ZC3H11A: variants seen among roughly 807,000 people sequenced by gnomAD.
ZC3H11A encodes the protein zinc finger CCCH domain-containing protein 11A.
A neutral mutation model predicts 90.8 loss-of-function variants in ZC3H11A; 22 were observed. The observed-to-expected ratio is 0.24, with a 90% CI of 0.17 to 0.35. The LOEUF (loss-of-function observed/expected upper bound fraction) is 0.35, where lower values mean the gene tolerates loss of function less well. Ranked by LOEUF, ZC3H11A falls within the 10% of genes least tolerant of loss-of-function variation. The pLI, the probability that ZC3H11A is intolerant of heterozygous loss-of-function variation, is 1.00. For missense variants in ZC3H11A, 701 were observed against 964.9 expected (o/e 0.73, Z 3.62); for synonymous variants, 294 against 339.8 (o/e 0.87, Z 1.48).
At chr1:203,829,050 T>C (rs1311413379) in intron 5 of ZC3H11A, among the ~76,000 whole-genome samples, 2 of 152,206 alleles carry the variant, frequency 1.3e-5, no homozygotes, top group Non-Finnish European at 2.9e-5. Flanking sequence ...TTTACCTCAA[T>C]TTAAGGGAAA....
intron 1 of ZC3H11A, chr1:203,797,878 T>G: frequency 6.5e-7 from 1 of 1,536,108 alleles, no homozygotes. Flanking sequence ...GAGAGCAATA[T>G]AGAAAAACAG....
intron 2 of ZC3H11A, among the ~76,000 whole-genome samples, chr1:203,811,141 C>T (rs554175037): frequency 8.4e-6 from 1 of 118,990 alleles, no homozygotes; most frequent in African/African-American, 3.3e-5. Flanking sequence ...GAAACTCTGT[C>T]ACAAAAAAAA....
intron 10 of ZC3H11A, among the ~76,000 whole-genome samples, chr1:203,836,789 A>C (rs764230484): frequency 5.3e-5 from 8 of 152,008 alleles, no homozygotes; most frequent in Non-Finnish European, 1.2e-4. Flanking sequence ...AAGCAGCTAG[A>C]ATTAGGAAAC....
chr1:203,797,697 C>T, intron 1 of ZC3H11A: 3 of 1,535,156 alleles, frequency 2.0e-6, no homozygotes, highest in Non-Finnish European at 2.6e-6. Flanking sequence ...GGCAAAACAG[C>T]CTGCTAAAAA....
At chr1:203,809,172 G>GTTTTTTTTTTTTT (rs33926996) in intron 2 of ZC3H11A, among the ~76,000 whole-genome samples, 1 of 83,248 alleles carries the variant, frequency 1.2e-5, no homozygotes, top group East Asian at 4.0e-4. Context: ...TCTTCTCACT[G>GTTTTTTTTTTTTT]TTTTTTTTTT....
intron 9 of ZC3H11A, among the ~76,000 whole-genome samples, chr1:203,833,298 G>C (rs2103067831): frequency 6.6e-6 from 1 of 151,442 alleles, no homozygotes. Flanking sequence ...CCGGGAGGTG[G>C]AGGTTGCAGT....
intron 2 of ZC3H11A, among the ~76,000 whole-genome samples, chr1:203,808,671 A>T (rs7546400): frequency 0.13 from 19,187 of 152,054 alleles, 1,587 homozygotes; most frequent in East Asian, 0.29. Context: ...CGTGTCAGTA[A>T]TCTCTTGTAA....
At chr1:203,830,054 C>G (rs1444594523) in intron 7 of ZC3H11A, 69 bp from the exon 8 acceptor site, 1 of 1,374,390 alleles carries the variant, frequency 7.3e-7, no homozygotes, top group African/African-American at 1.5e-5. Flanking sequence ...TAAATGCCTG[C>G]TATGTACAGA....
At chr1:203,849,650 T>A in intron 14 of ZC3H11A, 61 bp from the exon 15 acceptor site, 2 of 1,501,832 alleles carry the variant, frequency 1.3e-6, no homozygotes, top group Non-Finnish European at 1.8e-6. Flanking sequence ...GCCTGGTACT[T>A]ACATCATACA....
At chr1:203,834,587 G>C (rs773171701) in intron 10 of ZC3H11A, among the ~76,000 whole-genome samples, 4 of 152,040 alleles carry the variant, frequency 2.6e-5, no homozygotes, top group Admixed American at 6.6e-5. Flanking sequence ...TTTATTTTTG[G>C]GGGAGTACTT....
intron 5 of ZC3H11A, chr1:203,829,205 T>C (rs1295648476): frequency 3.6e-6 from 2 of 549,700 alleles, no homozygotes; most frequent in East Asian, 6.3e-5. Context: ...CTATGCTTCT[T>C]CTAGTCTTCT....
intron 4 of ZC3H11A, among the ~76,000 whole-genome samples, chr1:203,819,226 AT>A (rs967842944): frequency 5.9e-4 from 73 of 123,750 alleles, no homozygotes; most frequent in African/African-American, 7.0e-4. Flanking sequence ...CTTTCTTTTT[AT>A]TTTTTTTTTT....
At chr1:203,848,018 G>T (rs767121924) in intron 13 of ZC3H11A, among the ~76,000 whole-genome samples, 1 of 151,974 alleles carries the variant, frequency 6.6e-6, no homozygotes, top group Admixed American at 6.6e-5. Context: ...ACCACACCCC[G>T]CTAATTTTTG....
intron 14 of ZC3H11A, 37 bp downstream of exon 14, chr1:203,848,444 A>G (rs771142542): frequency 1.3e-6 from 2 of 1,514,112 alleles, no homozygotes; most frequent in Non-Finnish European, 9.1e-7. Context: ...TGTTCATGGC[A>G]AACAAAGGCT....
chr1:203,852,330 G>C lies in ZC3H11A; in HGVS notation c.2364G>C (p.Glu788Asp). Residue 788 changes from glutamate to aspartate, a missense_variant, in exon 18 of 18, where the codon GAG (glutamate) becomes GAC (aspartate). Glu to Asp is a conservative substitution (Grantham distance 45). This residue lies in a region of ZC3H11A where 21 missense variants were observed against 49.1 expected (regional missense o/e 0.43). Transcript: ENST00000367210. ...TTTCAGGAGGCAAATTGGAAGCTGA[G>C]ATTGACCTGGATCCTGGGAAAGATG... Reference protein sequence around the residue: ...WEISGGKLEAEIDLDPGKDED... With the variant: ...WEISGGKLEADIDLDPGKDED... The C allele has an allele frequency of 6.2e-7, 1 of 1,613,730 alleles. No individual in the cohort carries two copies. Among genetic ancestry groups the C allele is most frequent in the African/African-American group, 1.3e-5 (1 of 74,948 alleles).
chr1:203,817,703 C>T (rs1229766389), intron 3 of ZC3H11A, among the ~76,000 whole-genome samples: 1 of 151,890 alleles, frequency 6.6e-6, no homozygotes, highest in Non-Finnish European at 1.5e-5. Flanking sequence ...ATGACTAATT[C>T]TATAAACGTA....
At chr1:203,799,024 A>G in intron 1 of ZC3H11A, 2 of 1,536,156 alleles carry the variant, frequency 1.3e-6, no homozygotes, top group Non-Finnish European at 1.7e-6. Flanking sequence ...GTGACTGTAC[A>G]CTGGGTTTCT....
chr1:203,809,321 G>A (rs1480673153), intron 2 of ZC3H11A, among the ~76,000 whole-genome samples: 2 of 151,600 alleles, frequency 1.3e-5, no homozygotes, highest in Non-Finnish European at 2.9e-5. Flanking sequence ...GACAACAGGC[G>A]CACACTACCG....
intron 4 of ZC3H11A, among the ~76,000 whole-genome samples, chr1:203,824,005 A>G (rs1008922412): frequency 1.3e-5 from 2 of 152,190 alleles, no homozygotes; most frequent in South Asian, 4.1e-4. Context: ...GCCGTGGCTC[A>G]TGCCTGTAAT....
Sources: gnomAD v4.1 joint callset for allele counts (sites outside exome capture counted in the v4.1 genomes callset) on GRCh38, gnomAD v4.1.1 for gene constraint, gnomAD v4.1.1 regional missense constraint, MANE v1.5 for transcripts, NCBI Gene and HGNC (gene_info 2026-07-23, HGNC 2026-07-21) for gene names.